DCC: variants seen among roughly 807,000 people sequenced by gnomAD.
DCC encodes the protein DCC netrin 1 receptor, also known as netrin receptor DCC.
A neutral mutation model predicts 172.5 loss-of-function variants in DCC; 58 were observed. The observed-to-expected ratio is 0.34, with a 90% confidence interval of 0.27 to 0.42. DCC has a LOEUF of 0.42. Among genes scored for constraint, DCC ranks in the 10% least tolerant of loss-of-function variants. The pLI, the probability that DCC is intolerant of heterozygous loss-of-function variation, is 1.00. For synonymous variants in DCC, 709 were observed against 644.5 expected (o/e 1.10, Z -1.52); for missense variants, 1,740 against 1,791.0 (o/e 0.97, Z 0.51).
At chr18:53,510,190 C>T (rs2046233550) in intron 27 of DCC, among the ~76,000 whole-genome samples, 1 of 152,172 alleles carries the variant, frequency 6.6e-6, no homozygotes, top group Non-Finnish European at 1.5e-5. Flanking sequence ...CACTGAAAAG[C>T]ACTTCCTGCA....
chr18:53,228,032 G>C (rs1425883524), intron 12 of DCC, among the ~76,000 whole-genome samples: 4 of 152,066 alleles, frequency 2.6e-5, no homozygotes, highest in Non-Finnish European at 5.9e-5. Context: ...TTTATGCATA[G>C]ATAAGTCTAA....
At chr18:52,969,897 C>T (rs113691560) in intron 5 of DCC, among the ~76,000 whole-genome samples, 1,793 of 151,976 alleles carry the variant, frequency 0.012, 26 homozygotes, top group African/African-American at 0.04. Flanking sequence ...ATTTGTTGTA[C>T]GAATGAGAGA....
At chr18:53,472,403 T>C (rs751901020) in intron 25 of DCC, among the ~76,000 whole-genome samples, 4 of 152,170 alleles carry the variant, frequency 2.6e-5, no homozygotes, top group Admixed American at 6.6e-5. Context: ...CTTTTATACC[T>C]TTCACTACTG....
intron 21 of DCC, among the ~76,000 whole-genome samples, chr18:53,426,296 T>TTAC (rs1910938039): frequency 1.9e-5 from 2 of 107,168 alleles, no homozygotes; most frequent in South Asian, 2.5e-4. Context: ...ATTTATAATA[T>TTAC]ATATTTATAA....
intron 21 of DCC, among the ~76,000 whole-genome samples, chr18:53,432,837 CAAAATT>C (rs1911709597): frequency 1.3e-5 from 2 of 151,920 alleles, no homozygotes; most frequent in East Asian, 3.9e-4. Flanking sequence ...TAACATCACT[CAAAATT>C]AAAATTAAAA....
chr18:53,120,047 C>T (rs1269232463), intron 7 of DCC, among the ~76,000 whole-genome samples: 1 of 151,738 alleles, frequency 6.6e-6, no homozygotes, highest in African/African-American at 2.4e-5. Flanking sequence ...TGAGTTTTGT[C>T]ATAAATATAA....
intron 2 of DCC, among the ~76,000 whole-genome samples, chr18:52,841,817 C>T (rs565496916): frequency 1.2e-4 from 18 of 152,220 alleles, no homozygotes; most frequent in African/African-American, 4.3e-4. Context: ...TCCTCCCATC[C>T]ATCTTCTTTC....
At chr18:52,677,841 A>C (rs1212532307) in intron 1 of DCC, among the ~76,000 whole-genome samples, 1 of 152,174 alleles carries the variant, frequency 6.6e-6, no homozygotes, top group African/African-American at 2.4e-5. Context: ...CTTCTCGTTG[A>C]GCAAGTATAT....
chr18:52,606,379 C>T (rs1020552835), intron 1 of DCC, among the ~76,000 whole-genome samples: 1 of 151,966 alleles, frequency 6.6e-6, no homozygotes, highest in Non-Finnish European at 1.5e-5. Context: ...AAGAATGACA[C>T]ATTTAAAGAC....
At chr18:52,814,603 A>G (rs1248710937) in intron 2 of DCC, among the ~76,000 whole-genome samples, 2 of 152,226 alleles carry the variant, frequency 1.3e-5, no homozygotes, top group Non-Finnish European at 2.9e-5. Flanking sequence ...ATAGGCAAAA[A>G]ACATTTAGTA....
chr18:52,781,694 T>C (rs2037547578), intron 2 of DCC, among the ~76,000 whole-genome samples: 1 of 152,170 alleles, frequency 6.6e-6, no homozygotes, highest in Non-Finnish European at 1.5e-5. Flanking sequence ...TTATCTCTTA[T>C]AAAGCTTAAT....
chr18:53,067,934 A>G (rs2042597536), intron 7 of DCC, among the ~76,000 whole-genome samples: 1 of 152,228 alleles, frequency 6.6e-6, no homozygotes, highest in Non-Finnish European at 1.5e-5. Context: ...CCAGCCAGTT[A>G]GCTGAAGATT....
chr18:53,146,162 A>G (rs908426019), intron 7 of DCC, among the ~76,000 whole-genome samples: 11 of 152,182 alleles, frequency 7.2e-5, no homozygotes, highest in Admixed American at 4.6e-4. Context: ...CAGAGGTTGC[A>G]GTGAGCCAAG....
intron 22 of DCC, among the ~76,000 whole-genome samples, chr18:53,448,585 G>A (rs995970597): frequency 7.9e-5 from 12 of 152,182 alleles, no homozygotes; most frequent in African/African-American, 2.7e-4. Flanking sequence ...TCCTAAAAAT[G>A]TGGTGGCTCA....
chr18:53,467,268 T>G (rs1482229808), intron 24 of DCC, among the ~76,000 whole-genome samples: 1 of 152,120 alleles, frequency 6.6e-6, no homozygotes, highest in Admixed American at 6.5e-5. Context: ...AACTTCAGTT[T>G]TTTTAATACG....
chr18:53,268,769 C>T (rs953661989), intron 12 of DCC, among the ~76,000 whole-genome samples: 1 of 152,098 alleles, frequency 6.6e-6, no homozygotes, highest in Non-Finnish European at 1.5e-5. Flanking sequence ...ATTATGACCA[C>T]CTGAACAGGA....
intron 7 of DCC, among the ~76,000 whole-genome samples, chr18:53,112,364 C>T (rs1405589576): frequency 6.6e-6 from 1 of 151,390 alleles, no homozygotes; most frequent in East Asian, 2.0e-4. Context: ...CCCATAAAAT[C>T]CTCACAACAC....
chr18:53,138,620 A>G (rs2043782752), intron 7 of DCC, among the ~76,000 whole-genome samples: 2 of 152,330 alleles, frequency 1.3e-5, no homozygotes, highest in South Asian at 4.1e-4. Context: ...TAATTTTATC[A>G]TGTACAAAAT....
chr18:53,099,234 C>A, intron 7 of DCC, among the ~76,000 whole-genome samples: 1 of 151,864 alleles, frequency 6.6e-6, no homozygotes, highest in African/African-American at 2.4e-5. Context: ...ATTTTCTTCC[C>A]CCTATGTATT....
Sources: gnomAD v4.1 joint callset for allele counts (sites outside exome capture counted in the v4.1 genomes callset) on GRCh38, gnomAD v4.1.1 for gene constraint, MANE v1.5 for transcripts, NCBI Gene and HGNC (gene_info 2026-07-23, HGNC 2026-07-21) for gene names.